Variants in NTNG1 observed in about 807,000 individuals in gnomAD.
The protein encoded by NTNG1 is netrin G1.
NTNG1 carries 16 observed loss-of-function variants against 54.0 expected under a neutral mutation model. The observed-to-expected ratio is 0.30, with a 90% CI of 0.20 to 0.45. NTNG1 has a LOEUF of 0.45. Among genes scored for constraint, NTNG1 ranks in the 20% least tolerant of loss-of-function variants. The pLI, the probability that NTNG1 is intolerant of heterozygous loss-of-function variation, is 1.00. For synonymous variants in NTNG1, 255 were observed against 263.1 expected (o/e 0.97, Z 0.30); for missense variants, 530 against 678.7 (o/e 0.78, Z 2.43).
At chr1:107,302,095 G>A (rs751212993) in intron 2 of NTNG1, among the ~76,000 whole-genome samples, 7 of 151,974 alleles carry the variant, frequency 4.6e-5, no homozygotes, top group Admixed American at 1.3e-4. Context: ...TAGGACCAAC[G>A]TCCACCCCTT....
At chr1:107,400,438 A>T (rs1207851317) in intron 4 of NTNG1, among the ~76,000 whole-genome samples, 1 of 152,126 alleles carries the variant, frequency 6.6e-6, no homozygotes, top group East Asian at 1.9e-4. Flanking sequence ...AAATCCCCAC[A>T]ATATCCCCAT....
chr1:107,303,599 A>G (rs1019265280), intron 2 of NTNG1, among the ~76,000 whole-genome samples: 2 of 152,150 alleles, frequency 1.3e-5, no homozygotes, highest in Admixed American at 6.5e-5. Context: ...TTAAAAGTAC[A>G]TTACTAGATT....
chr1:107,472,939 C>G (rs1425690489), intron 7 of NTNG1, among the ~76,000 whole-genome samples: 1 of 152,176 alleles, frequency 6.6e-6, no homozygotes, highest in African/African-American at 2.4e-5. Flanking sequence ...ATAATCACAG[C>G]TCTTCAACTC....
chr1:107,210,786 C>T (rs563074386), intron 2 of NTNG1, among the ~76,000 whole-genome samples: 16 of 152,260 alleles, frequency 1.1e-4, no homozygotes, highest in African/African-American at 3.4e-4. Context: ...CATTTGGCCT[C>T]CCTGTGCCTC....
intron 2 of NTNG1, among the ~76,000 whole-genome samples, chr1:107,180,979 G>C (rs1384170709): frequency 6.6e-6 from 1 of 152,142 alleles, no homozygotes; most frequent in Non-Finnish European, 1.5e-5. Flanking sequence ...TCTGTATTTA[G>C]AGATCCCCTA....
chr1:107,292,473 G>C (rs572980369), intron 2 of NTNG1, among the ~76,000 whole-genome samples: 47 of 152,254 alleles, frequency 3.1e-4, no homozygotes, highest in African/African-American at 9.6e-4. Flanking sequence ...TGATGGTCAG[G>C]CAGTTGTTAA....
chr1:107,444,059 G>A (rs1356566897), intron 7 of NTNG1, among the ~76,000 whole-genome samples: 1 of 152,100 alleles, frequency 6.6e-6, no homozygotes, highest in Non-Finnish European at 1.5e-5. Flanking sequence ...AAATAAGCTG[G>A]TAGTACTCCT....
chr1:107,346,044 T>G (rs1370761492), intron 3 of NTNG1, among the ~76,000 whole-genome samples: 1 of 152,170 alleles, frequency 6.6e-6, no homozygotes, highest in African/African-American at 2.4e-5. Flanking sequence ...TCGATTTGAG[T>G]TGGGGTCTGG....
At chr1:107,328,192 TTAA>T (rs1363863932) in intron 3 of NTNG1, among the ~76,000 whole-genome samples, 22 of 152,176 alleles carry the variant, frequency 1.4e-4, no homozygotes, top group African/African-American at 5.1e-4. Flanking sequence ...TTCAATAAAC[TTAA>T]TAATCTACAT....
intron 7 of NTNG1, among the ~76,000 whole-genome samples, chr1:107,457,311 G>A (rs1313375397): frequency 1.3e-5 from 2 of 152,152 alleles, no homozygotes; most frequent in East Asian, 3.8e-4. Context: ...CAATACTTCA[G>A]CTTAAAAGAG....
intron 2 of NTNG1, among the ~76,000 whole-genome samples, chr1:107,276,718 T>A (rs1332496523): frequency 6.6e-6 from 1 of 152,090 alleles, no homozygotes; most frequent in Admixed American, 6.5e-5. Flanking sequence ...ACACAGTAAG[T>A]CGTCACTAAT....
intron 7 of NTNG1, among the ~76,000 whole-genome samples, chr1:107,455,315 C>T (rs1191983448): frequency 1.3e-5 from 2 of 152,230 alleles, no homozygotes; most frequent in Admixed American, 6.5e-5. Context: ...CTTCCCGCCT[C>T]AGCCTCCCAA....
At chr1:107,289,290 T>G (rs913839508) in intron 2 of NTNG1, among the ~76,000 whole-genome samples, 10 of 152,170 alleles carry the variant, frequency 6.6e-5, no homozygotes, top group African/African-American at 2.4e-4. Flanking sequence ...CTCATCCCCA[T>G]GTATATGCAG....
intron 2 of NTNG1, among the ~76,000 whole-genome samples, chr1:107,301,681 CCTT>C (rs750887543): frequency 2.0e-5 from 3 of 152,182 alleles, no homozygotes; most frequent in East Asian, 3.9e-4. Context: ...CTACTTTGTT[CCTT>C]CTTCTTCATT....
intron 3 of NTNG1, among the ~76,000 whole-genome samples, chr1:107,373,993 C>A (rs1275994045): frequency 6.6e-6 from 1 of 152,172 alleles, no homozygotes; most frequent in Non-Finnish European, 1.5e-5. Context: ...TGAGCCACTA[C>A]ACTCAGCCAC....
At chr1:107,280,032 T>C (rs1037436812) in intron 2 of NTNG1, among the ~76,000 whole-genome samples, 1 of 108,600 alleles carries the variant, frequency 9.2e-6, no homozygotes, top group African/African-American at 3.1e-5. Context: ...TGTTCCTTTG[T>C]TGGTGTGTGT....
rs539271429 is a variant in NTNG1, at chr1:107,355,254, C to CT, written c.887+30343dup. Among the ~76,000 whole-genome samples, 145 of 141,044 alleles carry CT rather than the reference C, an allele frequency of 1.0e-3. 1 individual carries two copies. Among genetic ancestry groups the CT allele is most frequent in the East Asian group, 4.3e-3 (20 of 4,704 alleles). 92.5% of individuals were successfully genotyped at this position (141,044 alleles called of 152,430 possible). A position where few individuals can be genotyped will look rare whatever the true frequency, so the allele number is the denominator to read the frequency against. On this transcript the variant is annotated intron_variant, in intron 3 of 7. Coordinates refer to ENST00000370068, the MANE Select transcript of NTNG1 (RefSeq NM_001113226.3). ...TTTTCAAAGTCTTTACAGGTCTAGT[C>CT]TTTTTTTTTTTAACTTTTTTATTGT...
At chr1:107,446,106 A>G (rs1190355950) in intron 7 of NTNG1, among the ~76,000 whole-genome samples, 1 of 152,092 alleles carries the variant, frequency 6.6e-6, no homozygotes, top group Non-Finnish European at 1.5e-5. Context: ...AGAAAAACAT[A>G]CATTTCATTA....
chr1:107,325,611 A>G (rs2101882428), intron 3 of NTNG1, among the ~76,000 whole-genome samples: 1 of 152,236 alleles, frequency 6.6e-6, no homozygotes, highest in East Asian at 1.9e-4. Context: ...TATACTAGAG[A>G]CAGAATTGAG....
Sources: allele counts gnomAD v4.1 joint callset (sites outside exome capture counted in the v4.1 genomes callset), GRCh38; gene constraint gnomAD v4.1.1; transcripts MANE v1.5; gene names NCBI Gene and HGNC (gene_info 2026-07-23, HGNC 2026-07-21).